The following LRRC1 variants were observed in gnomAD, a reference collection of about 807,000 sequenced individuals.
LRRC1 encodes the protein leucine-rich repeat-containing protein 1.
Under a neutral mutation model 69.9 loss-of-function variants are expected in LRRC1, and 28 were observed. That is an observed-to-expected ratio of 0.40 (90% confidence interval 0.30 to 0.55). LRRC1 has a LOEUF of 0.55. Ranked by LOEUF, LRRC1 falls within the 20% of genes least tolerant of loss-of-function variation. LRRC1 has a pLI of 0.47. For synonymous variants in LRRC1, 236 were observed against 240.2 expected (o/e 0.98, Z 0.16); for missense variants, 498 against 609.0 (o/e 0.82, Z 1.92).
At chr6:53,922,052 T>C (rs1174636692) in intron 13 of LRRC1, among the ~76,000 whole-genome samples, 1 of 152,222 alleles carries the variant, frequency 6.6e-6, no homozygotes, top group Non-Finnish European at 1.5e-5. Flanking sequence ...AAATTACTCA[T>C]ACCCTGTTAC....
chr6:53,863,520 C>T (rs1766598051), intron 2 of LRRC1, among the ~76,000 whole-genome samples: 1 of 152,244 alleles, frequency 6.6e-6, no homozygotes, highest in Non-Finnish European at 1.5e-5. Flanking sequence ...CCCTTCAGCT[C>T]TGTGGCTGTC....
intron 1 of LRRC1, among the ~76,000 whole-genome samples, chr6:53,803,079 C>T (rs1480658964): frequency 2.0e-5 from 3 of 152,180 alleles, no homozygotes; most frequent in East Asian, 3.8e-4. Flanking sequence ...GAATTTCCCC[C>T]GTTGCCGGAA....
chr6:53,797,927 A>G (rs912599037), intron 1 of LRRC1, among the ~76,000 whole-genome samples: 4 of 152,200 alleles, frequency 2.6e-5, no homozygotes, highest in African/African-American at 4.8e-5. Context: ...GGAATCTTCT[A>G]TCCTGCTTCT....
chr6:53,909,876 G>T (rs1165065732), intron 10 of LRRC1, among the ~76,000 whole-genome samples: 2 of 152,080 alleles, frequency 1.3e-5, no homozygotes, highest in East Asian at 3.8e-4. Flanking sequence ...AATATTAAAA[G>T]GAATATACTG....
At chr6:53,906,506 T>TAA (rs1768243432) in intron 10 of LRRC1, among the ~76,000 whole-genome samples, 1 of 152,250 alleles carries the variant, frequency 6.6e-6, no homozygotes, top group Admixed American at 6.5e-5. Flanking sequence ...CCTGACTCTC[T>TAA]TTCACAAGAT....
chr6:53,896,975 T>C, intron 6 of LRRC1, 83 bp downstream of exon 6: 1 of 869,036 alleles, frequency 1.2e-6, no homozygotes, highest in Non-Finnish European at 1.9e-6. Flanking sequence ...TAGGGATCTT[T>C]ATGAAGCCAG....
At chr6:53,848,967 G>C (rs1766036405) in intron 2 of LRRC1, among the ~76,000 whole-genome samples, 1 of 151,628 alleles carries the variant, frequency 6.6e-6, no homozygotes, top group Non-Finnish European at 1.5e-5. Flanking sequence ...ATGTTGATCA[G>C]GTTGGTCTAA....
rs578018808 is a variant in LRRC1 at position 53,840,927 on chromosome 6, T to TGTGTGTGTGC, written c.160-1182_160-1181insTGTGTGTGCG. Among the ~76,000 whole-genome samples the TGTGTGTGTGC allele has an allele frequency of 2.8e-3, 369 of 132,580 alleles. 1 individual carries two copies. The highest frequency in any genetic ancestry group is 4.4e-3 in the Non-Finnish European group (278 of 62,956). The allele number at this position is 132,580 out of a possible 152,430, so 87.0% of individuals were successfully genotyped here. On this transcript the variant is annotated intron_variant, in intron 1 of 13. Coordinates refer to ENST00000370888, the MANE Select transcript of LRRC1 (RefSeq NM_018214.5). ...GTGTGTGTGTGTGTGTGTGTGTGTG[T>TGTGTGTGTGC]GCGTGCGCGCACATTCTCTTTCTTG...
intron 3 of LRRC1, among the ~76,000 whole-genome samples, 166 bp downstream of exon 3, chr6:53,879,237 C>T (rs1767180480): frequency 6.6e-6 from 1 of 152,134 alleles, no homozygotes; most frequent in Non-Finnish European, 1.5e-5. Context: ...TAGCCCTGTA[C>T]AATGAAAGGC....
chr6:53,839,628 A>G (rs1765709020), intron 1 of LRRC1, among the ~76,000 whole-genome samples: 1 of 151,712 alleles, frequency 6.6e-6, no homozygotes, highest in East Asian at 1.9e-4. Flanking sequence ...TTATTTATGG[A>G]TTTCTTTTTG....
intron 1 of LRRC1, among the ~76,000 whole-genome samples, chr6:53,820,560 G>A (rs752931071): frequency 7.9e-5 from 12 of 151,170 alleles, no homozygotes; most frequent in African/African-American, 2.7e-4. Context: ...TCTGTGAATC[G>A]CCTTTGATTG....
chr6:53,920,493 A>G (rs1469351372), intron 12 of LRRC1, 132 bp from the exon 13 acceptor site: 1 of 884,338 alleles, frequency 1.1e-6, no homozygotes, highest in African/African-American at 1.7e-5. Context: ...CTTGCAACAG[A>G]ACACCCCCCT....
At chr6:53,838,868 T>TA (rs988329360) in intron 1 of LRRC1, among the ~76,000 whole-genome samples, 1 of 152,174 alleles carries the variant, frequency 6.6e-6, no homozygotes, top group Admixed American at 6.5e-5. Flanking sequence ...TTTTATTTTT[T>TA]AAAAAAATAT....
rs10580267 is a variant in LRRC1, at chr6:53,812,689, CAAAAAAAAAA to C, written c.159+17290_159+17299del. Among the ~76,000 whole-genome samples the C allele has an allele frequency of 2.8e-4, 22 of 79,120 alleles. No individual in the cohort carries two copies. The South Asian group carries it at 0.01, about 36-fold the overall frequency. 51.9% of individuals were successfully genotyped at this position (79,120 alleles called of 152,430 possible). A position where few individuals can be genotyped will look rare whatever the true frequency, so the allele number is the denominator to read the frequency against. On this transcript the variant is annotated intron_variant, in intron 1 of 13. Coordinates refer to ENST00000370888, the MANE Select transcript of LRRC1 (RefSeq NM_018214.5). ...TGGGCAAGAGTGCAAGACTCCGTCT[CAAAAAAAAAA>C]AAAAAAAAAAAAAAATTTGAAGAAA...
At chr6:53,869,834 A>G (rs1232865823) in intron 2 of LRRC1, among the ~76,000 whole-genome samples, 4 of 152,264 alleles carry the variant, frequency 2.6e-5, no homozygotes, top group Admixed American at 2.6e-4. Flanking sequence ...TTGGAATTCA[A>G]GGAAAGTGCC....
chr6:53,901,059 C>T (rs1768042360), intron 8 of LRRC1, among the ~76,000 whole-genome samples: 1 of 41,770 alleles, frequency 2.4e-5, no homozygotes, highest in South Asian at 8.7e-4. Context: ...GGTTTTGGCT[C>T]TATGCGAGAT....
At chr6:53,805,890 C>G (rs548766859) in intron 1 of LRRC1, among the ~76,000 whole-genome samples, 1 of 152,220 alleles carries the variant, frequency 6.6e-6, no homozygotes, top group African/African-American at 2.4e-5. Flanking sequence ...CCTGCACCAG[C>G]AGGATACAGT....
chr6:53,914,390 C>T (rs750111682), intron 11 of LRRC1, among the ~76,000 whole-genome samples: 4 of 152,102 alleles, frequency 2.6e-5, no homozygotes, highest in Admixed American at 2.0e-4. Flanking sequence ...ACCAGGGGAC[C>T]TTGATATACT....
intron 2 of LRRC1, among the ~76,000 whole-genome samples, chr6:53,858,538 G>A (rs1766393319): frequency 6.6e-6 from 1 of 152,052 alleles, no homozygotes. Flanking sequence ...AAATAATCAG[G>A]GCCCATCATA....
Sources: gnomAD v4.1 joint callset for allele counts (sites outside exome capture counted in the v4.1 genomes callset) on GRCh38, gnomAD v4.1.1 for gene constraint, MANE v1.5 for transcripts, NCBI Gene and HGNC (gene_info 2026-07-23, HGNC 2026-07-21) for gene names.